Variants in NLGN1 observed in about 807,000 individuals in gnomAD.
NLGN1 encodes neuroligin-1.
In NLGN1, 12 loss-of-function variants were observed where a neutral mutation model predicts 65.5. That is an observed-to-expected ratio of 0.18 (90% confidence interval 0.12 to 0.30). NLGN1 has a LOEUF of 0.30. NLGN1 is among the 10% of genes least tolerant of loss of function. The probability of loss-of-function intolerance (pLI) is 1.00; values close to 1 mark genes in which losing one functional copy is unlikely to be tolerated. For synonymous variants in NLGN1, 350 were observed against 359.5 expected (o/e 0.97, Z 0.30); for missense variants, 750 against 1,007.1 (o/e 0.74, Z 3.46).
intron 4 of NLGN1, among the ~76,000 whole-genome samples, chr3:174,240,815 A>C (rs1195572565): frequency 6.6e-6 from 1 of 152,136 alleles, no homozygotes; most frequent in African/African-American, 2.4e-5. Flanking sequence ...GGGTCTTTTC[A>C]TTCTTTGTTT....
At chr3:174,045,023 C>T (rs569262957) in intron 4 of NLGN1, among the ~76,000 whole-genome samples, 1 of 152,092 alleles carries the variant, frequency 6.6e-6, no homozygotes, top group African/African-American at 2.4e-5. Flanking sequence ...ATTACCCATT[C>T]TTGGGCAGTC....
At chr3:173,444,200 A>G (rs879372715) in intron 2 of NLGN1, among the ~76,000 whole-genome samples, 1 of 152,194 alleles carries the variant, frequency 6.6e-6, no homozygotes, top group Admixed American at 6.5e-5. Flanking sequence ...TAAAAAGTTT[A>G]ATGGCTGCTC....
intron 4 of NLGN1, among the ~76,000 whole-genome samples, chr3:174,004,905 A>G (rs1724051765): frequency 3.3e-5 from 5 of 152,134 alleles, no homozygotes. Context: ...AATAGATTTT[A>G]TTTAATTAAC....
At chr3:173,913,544 GCATTGA>G (rs1303135391) in intron 4 of NLGN1, among the ~76,000 whole-genome samples, 12 of 152,130 alleles carry the variant, frequency 7.9e-5, no homozygotes, top group African/African-American at 2.9e-4. Flanking sequence ...AGATAACAAG[GCATTGA>G]CAGGGGCAGC....
rs1445072469 is a variant in NLGN1 at position 173,447,207 on chromosome 3, T to G, written c.-321+12129T>G. 2.0e-5 allele frequency among the ~76,000 whole-genome samples: 3 copies of G among 152,358 alleles called. No individual in the cohort carries two copies. In the East Asian group the frequency reaches 5.8e-4, roughly 29 times the overall value. ...ATTTTTATGGTTTTAGGTCTAACAT[T>G]TAAGTCTTTAATGCATCTTGAATTA... is the stretch of plus-strand genomic sequence containing the variant. On this transcript the variant is annotated intron_variant, in intron 2 of 6. Transcript: ENST00000457714.
intron 2 of NLGN1, among the ~76,000 whole-genome samples, chr3:173,564,135 T>C (rs973050625): frequency 5.9e-5 from 9 of 152,238 alleles, no homozygotes; most frequent in East Asian, 1.9e-4. Flanking sequence ...AGTCCTGCCA[T>C]AGGGCCTCTG....
At chr3:173,772,376 G>C (rs1300238710) in intron 3 of NLGN1, among the ~76,000 whole-genome samples, 1 of 152,074 alleles carries the variant, frequency 6.6e-6, no homozygotes, top group Admixed American at 6.6e-5. Context: ...CCAGCACTTC[G>C]GGAGGCTGAG....
chr3:174,063,523 T>C lies in NLGN1; in HGVS notation c.647-211792T>C, dbSNP rs575787468. Reference sequence around the variant, plus strand: ...TCTGTTTAAAATAATAACAAAATATTGTGAGTTTTCCCATATATAGATGTA... The same window carrying C: ...TCTGTTTAAAATAATAACAAAATATCGTGAGTTTTCCCATATATAGATGTA... On this transcript the variant is annotated intron_variant, in intron 4 of 6. Transcript: ENST00000457714. Among the ~76,000 whole-genome samples, 456 of 152,232 alleles carry C rather than the reference T, an allele frequency of 3.0e-3. 1 individual carries two copies. The highest frequency in any genetic ancestry group is 0.01 in the African/African-American group (434 of 41,564).
intron 4 of NLGN1, among the ~76,000 whole-genome samples, chr3:174,033,100 C>A (rs1730382394): frequency 6.6e-6 from 1 of 151,938 alleles, no homozygotes; most frequent in Admixed American, 6.6e-5. Context: ...GAGATTAAAT[C>A]ATAAGATTAT....
Position 173,546,181 on chromosome 3 carries a change from A to C in NLGN1, c.-320-58098A>C, listed in dbSNP as rs115612380. 4.9e-3 allele frequency among the ~76,000 whole-genome samples: 747 copies of C among 152,328 alleles called. 2 individuals are homozygous for C. The highest frequency in any genetic ancestry group is 0.017 in the African/African-American group (707 of 41,576). On this transcript the variant is annotated intron_variant, in intron 2 of 6. Transcript: ENST00000457714. ...TATACAATGTAACAAATATGTCAGC[A>C]TAACACTGATAGGCTGGAGGTATCA...
intron 3 of NLGN1, among the ~76,000 whole-genome samples, chr3:173,713,324 G>A (rs999892569): frequency 6.6e-6 from 1 of 152,010 alleles, no homozygotes; most frequent in African/African-American, 2.4e-5. Context: ...TATTATTTGG[G>A]TTTACAAATT....
Position 173,675,887 on chromosome 3 carries a change from T to TCTCTCTCA in NLGN1, c.493+70797_493+70798insTCTCTCAC, listed in dbSNP as rs756157881. Among the ~76,000 whole-genome samples the TCTCTCTCA allele has an allele frequency of 7.2e-3, 992 of 138,612 alleles. 15 individuals carry two copies. The highest frequency in any genetic ancestry group is 0.026 in the African/African-American group (919 of 35,686). The allele number at this position is 138,612 out of a possible 152,430, so 90.9% of individuals were successfully genotyped here. ...CTCTTTGTCTCTCTCTCTCTCTCTCTCACACACACACACACACACACACAC... is the reference window on the plus strand; with the variant it reads ...CTCTTTGTCTCTCTCTCTCTCTCTCTCTCTCTCACACACACACACACACACACACACAC... On this transcript the variant is annotated intron_variant, in intron 3 of 6. Transcript: ENST00000457714.
chr3:173,596,278 G>T (rs2149416617), intron 2 of NLGN1, among the ~76,000 whole-genome samples: 1 of 152,248 alleles, frequency 6.6e-6, no homozygotes, highest in South Asian at 2.1e-4. Flanking sequence ...ACTCTGCAGA[G>T]AAATGGGGAA....
At chr3:173,995,839 C>T (rs1722165598) in intron 4 of NLGN1, among the ~76,000 whole-genome samples, 1 of 151,598 alleles carries the variant, frequency 6.6e-6, no homozygotes, top group Admixed American at 6.6e-5. Context: ...GGTGCACATA[C>T]CATACTCGGC....
intron 4 of NLGN1, among the ~76,000 whole-genome samples, chr3:173,847,112 C>T (rs190752702): frequency 1.3e-4 from 20 of 152,004 alleles, no homozygotes; most frequent in Admixed American, 3.9e-4. Flanking sequence ...TAAAAGATGC[C>T]TCTCCTAAAT....
chr3:174,175,041 T>C (rs902301487), intron 4 of NLGN1, among the ~76,000 whole-genome samples: 2 of 152,172 alleles, frequency 1.3e-5, no homozygotes, highest in Non-Finnish European at 2.9e-5. Context: ...TTTTTGAATG[T>C]TTTAAAACTT....
intron 4 of NLGN1, among the ~76,000 whole-genome samples, chr3:173,846,326 G>T (rs1725784724): frequency 1.3e-5 from 2 of 152,132 alleles, no homozygotes; most frequent in South Asian, 4.1e-4. Context: ...GATAATGGGT[G>T]ACCCAGGGCT....
chr3:173,666,526 A>G (rs1212166959), intron 3 of NLGN1, among the ~76,000 whole-genome samples: 1 of 152,140 alleles, frequency 6.6e-6, no homozygotes, highest in East Asian at 1.9e-4. Context: ...GTGTTGATAC[A>G]GTCTTGTTTT....
intron 4 of NLGN1, among the ~76,000 whole-genome samples, chr3:174,105,572 G>A (rs1713545309): frequency 6.6e-6 from 1 of 151,188 alleles, no homozygotes; most frequent in Non-Finnish European, 1.5e-5. Context: ...AGCAAAACCA[G>A]AAAACAAAGA....
Sources: gnomAD v4.1 joint callset for allele counts (sites outside exome capture counted in the v4.1 genomes callset) on GRCh38, gnomAD v4.1.1 for gene constraint, MANE v1.5 for transcripts, NCBI Gene and HGNC (gene_info 2026-07-23, HGNC 2026-07-21) for gene names.